Variants in VRK2 observed in about 807,000 individuals in gnomAD.
VRK2 encodes the protein VRK serine/threonine kinase 2.
VRK2 carries 60 observed loss-of-function variants against 57.6 expected under a neutral mutation model. The ratio of observed to expected loss-of-function variants is 1.04; its 90% confidence interval spans 0.85 to 1.29. The LOEUF (loss-of-function observed/expected upper bound fraction) is 1.29, where lower values mean the gene tolerates loss of function less well. Among genes scored for constraint, VRK2 ranks in the 50% most tolerant of loss-of-function variants. VRK2 has a pLI of 0.00. For missense variants in VRK2, 705 were observed against 588.1 expected (o/e 1.20, Z -2.06); for synonymous variants, 231 against 199.2 (o/e 1.16, Z -1.35).
intron 1 of VRK2, among the ~76,000 whole-genome samples, chr2:57,982,129 C>T (rs763319271): frequency 2.0e-5 from 3 of 152,180 alleles, no homozygotes; most frequent in Non-Finnish European, 4.4e-5. Flanking sequence ...CAATTGGCTT[C>T]ATTCTGGATG....
intron 2 of VRK2, among the ~76,000 whole-genome samples, chr2:58,064,597 C>G (rs1668372380): frequency 6.6e-6 from 1 of 152,102 alleles, no homozygotes; most frequent in African/African-American, 2.4e-5. Context: ...AAAATTCACA[C>G]TACTTGCTTC....
At chr2:57,994,858 A>G (rs563534100) in intron 1 of VRK2, among the ~76,000 whole-genome samples, 2 of 152,306 alleles carry the variant, frequency 1.3e-5, no homozygotes, top group African/African-American at 4.8e-5. Flanking sequence ...TCCCAAACAA[A>G]AAAAATTAAT....
At chr2:57,913,144 C>T (rs1436306221) in intron 1 of VRK2, among the ~76,000 whole-genome samples, 1 of 152,158 alleles carries the variant, frequency 6.6e-6, no homozygotes, top group Non-Finnish European at 1.5e-5. Context: ...CAGACTGAAA[C>T]ATGGACATTC....
At chr2:58,063,094 T>C (rs1677595592) in intron 2 of VRK2, among the ~76,000 whole-genome samples, 1 of 152,052 alleles carries the variant, frequency 6.6e-6, no homozygotes, top group Admixed American at 6.6e-5. Flanking sequence ...TTATGTTTAC[T>C]ATCTATTCTG....
In VRK2 at chr2:57,957,645, T is replaced by G. The variant is rs570670904; in HGVS notation, c.-439+49806T>G. 5.2e-4 allele frequency among the ~76,000 whole-genome samples: 77 copies of G among 148,256 alleles called. 1 individual carries two copies. The highest frequency in any genetic ancestry group is 1.7e-3 in the African/African-American group (71 of 40,750). ...ATATATTTCTATATATATATATATA[T>G]CCATATAGATATAGACATAGATATT... is the stretch of plus-strand genomic sequence containing the variant. On this transcript the variant is annotated intron_variant, in intron 1 of 15. Transcript: ENST00000417641.
At chr2:58,144,587 T>A (rs1315648100) in intron 11 of VRK2, among the ~76,000 whole-genome samples, 2 of 151,956 alleles carry the variant, frequency 1.3e-5, no homozygotes, top group African/African-American at 4.8e-5. Flanking sequence ...TCACAAGAAT[T>A]GGTAAGCCAA....
At chr2:58,159,905 G>C, downstream of VRK2, 1 of 1,552,546 alleles carries the variant, frequency 6.4e-7, no homozygotes. Context: ...GTACAGTTTG[G>C]AAAACACTTC....
At chr2:57,958,729 TA>T (rs1671665012) in intron 1 of VRK2, among the ~76,000 whole-genome samples, 1 of 152,172 alleles carries the variant, frequency 6.6e-6, no homozygotes, top group Non-Finnish European at 1.5e-5. Flanking sequence ...TAAAATTTTT[TA>T]ATGTATTCAA....
intron 1 of VRK2, among the ~76,000 whole-genome samples, chr2:57,967,308 G>A (rs188887933): frequency 2.0e-5 from 3 of 152,060 alleles, no homozygotes; most frequent in Admixed American, 2.0e-4. Context: ...AACCACCATG[G>A]TACATGTATA....
At position 57,995,697 on chromosome 2, in the gene VRK2, A is replaced by G. The variant is rs1469123941; in HGVS notation, c.-438-29968A>G. Among the ~76,000 whole-genome samples, 4 of 152,218 alleles carry G rather than the reference A, an allele frequency of 2.6e-5. No individual in the cohort carries two copies. The East Asian group carries it at 7.7e-4, about 29-fold the overall frequency. ...AGTACTTCCTGTCTTGTCACACAGA[A>G]TATTGAAAAACTAGTACTCAAGCAT... On this transcript the variant is annotated intron_variant, in intron 1 of 15. Coordinates refer to the VRK2 transcript ENST00000417641.
At chr2:58,028,901 TAAA>T (rs1674023644) in intron 2 of VRK2, among the ~76,000 whole-genome samples, 1 of 36,216 alleles carries the variant, frequency 2.8e-5, no homozygotes, top group Non-Finnish European at 5.3e-5. Flanking sequence ...AATAAATAAA[TAAA>T]TATATATATA....
intron 7 of VRK2, among the ~76,000 whole-genome samples, chr2:58,093,028 A>G (rs1094078): frequency 2.0e-5 from 3 of 152,068 alleles, no homozygotes; most frequent in Non-Finnish European, 2.9e-5. Flanking sequence ...ATTCCATGGT[A>G]TATATGTGCC....
intron 1 of VRK2, among the ~76,000 whole-genome samples, chr2:57,993,965 C>G (rs1672849138): frequency 6.6e-6 from 1 of 152,176 alleles, no homozygotes; most frequent in Admixed American, 6.5e-5. Context: ...AGAAAGAAAA[C>G]TTCGAAAATA....
At chr2:58,076,106 CTT>C (rs71394406) in intron 2 of VRK2, among the ~76,000 whole-genome samples, 112 of 121,756 alleles carry the variant, frequency 9.2e-4, no homozygotes, top group African/African-American at 2.5e-3. Flanking sequence ...CTACTGTCTT[CTT>C]TTTTTTTTTT....
At position 58,132,100 on chromosome 2, in the gene VRK2, A is replaced by C. The variant is rs1249921807; in HGVS notation, c.797+172A>C. On this transcript the variant is annotated intron_variant, in intron 9 of 12. Coordinates refer to ENST00000340157, the MANE Select transcript of VRK2 (RefSeq NM_006296.7). ...ACCAAACAACTAACACATAAAATCC[A>C]TTAAGGTAACATTGTAAAAAGACAT... is the stretch of plus-strand genomic sequence containing the variant. 8.6e-6 allele frequency: 6 copies of C among 695,238 alleles called. No homozygotes were observed. In the East Asian group the frequency reaches 1.5e-4, roughly 18 times the overall value. The allele number at this position is 695,238 out of a possible 1,614,324, so 43.1% of individuals were successfully genotyped here.
At chr2:57,987,608 T>C (rs987322033) in intron 1 of VRK2, among the ~76,000 whole-genome samples, 18 of 152,258 alleles carry the variant, frequency 1.2e-4, no homozygotes, top group Middle Eastern at 3.4e-3. Context: ...TTCTAATAAA[T>C]TAAACATACA....
intron 1 of VRK2, among the ~76,000 whole-genome samples, chr2:57,983,905 A>G (rs1672511234): frequency 6.6e-6 from 1 of 152,194 alleles, no homozygotes; most frequent in Non-Finnish European, 1.5e-5. Context: ...AATCAAAGAT[A>G]AAGTCATCAA....
chr2:58,035,155 A>G (rs942255278), intron 3 of VRK2, among the ~76,000 whole-genome samples: 3 of 152,042 alleles, frequency 2.0e-5, no homozygotes, highest in African/African-American at 2.4e-5. Context: ...TACTTTTAAC[A>G]GAAATGCCCC....
At position 58,123,375 on chromosome 2, in the gene VRK2, T is replaced by C. The variant is rs530809592; in HGVS notation, c.676+142T>C. 1.0e-4 allele frequency: 100 copies of C among 953,406 alleles called. 1 individual carries two copies. The African/African-American group carries it at 1.7e-3, about 16-fold the overall frequency. 59.1% of individuals were successfully genotyped at this position (953,406 alleles called of 1,614,324 possible). A position where few individuals can be genotyped will look rare whatever the true frequency, so the allele number is the denominator to read the frequency against. On this transcript the variant is annotated intron_variant, in intron 8 of 12. Coordinates refer to ENST00000340157, the MANE Select transcript of VRK2 (RefSeq NM_006296.7). ...GAGGTTTTTATCAAAAGTAATGAAT[T>C]CCTGTTATGCCAATGAATATTTCTT...
Sources: allele counts gnomAD v4.1 joint callset (sites outside exome capture counted in the v4.1 genomes callset), GRCh38; gene constraint gnomAD v4.1.1; transcripts MANE v1.5; gene names NCBI Gene and HGNC (gene_info 2026-07-23, HGNC 2026-07-21).